Variants in MOV10L1 observed in about 807,000 individuals in gnomAD.
The protein encoded by MOV10L1 is RNA helicase Mov10l1.
MOV10L1 carries 110 observed loss-of-function variants against 143.8 expected under a neutral mutation model. That is an observed-to-expected ratio of 0.76 (90% CI 0.66 to 0.90). The LOEUF (loss-of-function observed/expected upper bound fraction) is 0.90. Among genes scored for constraint, MOV10L1 ranks in the 40% least tolerant of loss-of-function variants. The pLI is 0.00. For missense variants in MOV10L1, 1,406 were observed against 1,526.8 expected (o/e 0.92, Z 1.32); for synonymous variants, 593 against 581.1 (o/e 1.02, Z -0.29).
At chr22:50,149,500 C>T (rs1347548351) in intron 19 of MOV10L1, 115 bp from the exon 20 acceptor site, 1 of 1,004,232 alleles carries the variant, frequency 1.0e-6, no homozygotes, top group Non-Finnish European at 1.5e-6. Flanking sequence ...CTGCACACCC[C>T]TGGGCAACCC....
At chr22:50,123,239 T>C (rs899426718) in intron 10 of MOV10L1, among the ~76,000 whole-genome samples, 10 of 152,048 alleles carry the variant, frequency 6.6e-5, no homozygotes, top group Non-Finnish European at 1.3e-4. Flanking sequence ...TTTTCTGTAT[T>C]GAGATGATCA....
intron 18 of MOV10L1, 62 bp downstream of exon 18, chr22:50,144,305 C>G: frequency 6.5e-7 from 1 of 1,533,494 alleles, no homozygotes; most frequent in South Asian, 1.2e-5. Flanking sequence ...TAGGAAATGC[C>G]AAGTGGACAG....
intron 3 of MOV10L1, 52 bp from the exon 4 acceptor site, chr22:50,108,084 G>A (rs917491681): frequency 6.5e-7 from 1 of 1,535,810 alleles, no homozygotes; most frequent in African/African-American, 1.4e-5. Context: ...CATGACCTCA[G>A]AATAACTTGT....
chr22:50,134,348 G>A (rs1357616371), intron 14 of MOV10L1, among the ~76,000 whole-genome samples, 182 bp from the exon 15 acceptor site: 1 of 152,110 alleles, frequency 6.6e-6, no homozygotes, highest in Non-Finnish European at 1.5e-5. Context: ...CAAATAAAGG[G>A]CTTTGTTGTG....
intron 16 of MOV10L1, 34 bp downstream of exon 16, chr22:50,142,223 C>A: frequency 6.5e-7 from 1 of 1,546,236 alleles, no homozygotes; most frequent in East Asian, 2.3e-5. Flanking sequence ...AGAAGAGCAA[C>A]TCTGAGACTG....
In MOV10L1 at chr22:50,149,728, A is replaced by G; in HGVS notation, c.2727+14A>G. 6.2e-7 allele frequency: 1 copy of G among 1,606,994 alleles called. No homozygotes were observed. On this transcript the variant is annotated intron_variant, in intron 20 of 26. Coordinates refer to ENST00000262794, the MANE Select transcript of MOV10L1 (RefSeq NM_018995.3). ...ATCAGTGGCCAGGTAAGTCCCGACT[A>G]CTGTGTGTGCTGCTTCCTCCTCACC...
intron 5 of MOV10L1, among the ~76,000 whole-genome samples, chr22:50,112,806 G>T (rs775482017): frequency 6.6e-6 from 1 of 152,222 alleles, no homozygotes; most frequent in East Asian, 1.9e-4. Context: ...CACGCACCGG[G>T]CAGTCGCATC....
At chr22:50,160,205 T>G (rs1270448423) in intron 24 of MOV10L1, among the ~76,000 whole-genome samples, 3 of 123,560 alleles carry the variant, frequency 2.4e-5, no homozygotes, top group Non-Finnish European at 5.0e-5. Flanking sequence ...CTGCCCTTCC[T>G]CCTCCCCCTT....
intron 13 of MOV10L1, 109 bp downstream of exon 13, chr22:50,128,616 C>T: frequency 1.6e-6 from 1 of 633,166 alleles, no homozygotes; most frequent in Non-Finnish European, 2.7e-6. Flanking sequence ...GCAATCTCGG[C>T]TCACTGCAAC....
intron 10 of MOV10L1, among the ~76,000 whole-genome samples, chr22:50,124,599 G>T (rs1056104010): frequency 6.6e-6 from 1 of 152,156 alleles, no homozygotes; most frequent in Non-Finnish European, 1.5e-5. Flanking sequence ...TTCCAATTCC[G>T]GGCAGGCTGC....
intron 22 of MOV10L1, among the ~76,000 whole-genome samples, chr22:50,155,481 T>C (rs1195744308): frequency 6.6e-6 from 1 of 152,052 alleles, no homozygotes; most frequent in African/African-American, 2.4e-5. Context: ...TTTTTGTTTA[T>C]CTGTTTTGTT....
intron 26 of MOV10L1, 111 bp from the exon 27 acceptor site, chr22:50,161,257 T>G: frequency 9.5e-7 from 1 of 1,050,680 alleles, no homozygotes; most frequent in South Asian, 1.6e-5. Context: ...CCACATAGGC[T>G]AACAGGGTAA....
At chr22:50,135,715 C>A (rs184458347) in intron 15 of MOV10L1, among the ~76,000 whole-genome samples, 2,226 of 148,850 alleles carry the variant, frequency 0.015, 24 homozygotes, top group Non-Finnish European at 0.022. Context: ...CACGCCACTG[C>A]ACTCCAGCCT....
intron 9 of MOV10L1, among the ~76,000 whole-genome samples, chr22:50,119,707 G>T (rs1159964060): frequency 6.7e-6 from 1 of 150,352 alleles, no homozygotes; most frequent in African/African-American, 2.4e-5. Context: ...AAACCATGGG[G>T]AATGTCTTCA....
intron 12 of MOV10L1, among the ~76,000 whole-genome samples, chr22:50,126,885 A>G (rs6010138): frequency 0.68 from 103,913 of 152,090 alleles, 36,619 homozygotes; most frequent in South Asian, 0.8. Context: ...GAAGAGCCTG[A>G]TAAGGATCTG....
intron 15 of MOV10L1, among the ~76,000 whole-genome samples, chr22:50,135,416 T>C (rs1328805306): frequency 1.3e-5 from 2 of 152,038 alleles, no homozygotes; most frequent in Non-Finnish European, 2.9e-5. Flanking sequence ...CCCCGCAAAT[T>C]GTTAACATTT....
intron 5 of MOV10L1, among the ~76,000 whole-genome samples, chr22:50,112,926 A>C (rs2062062782): frequency 6.6e-6 from 1 of 152,170 alleles, no homozygotes; most frequent in Non-Finnish European, 1.5e-5. Context: ...GAAGAGCCAA[A>C]CAGGCACCCG....
intron 3 of MOV10L1, among the ~76,000 whole-genome samples, chr22:50,103,488 T>C (rs4838829): frequency 0.22 from 34,104 of 152,098 alleles, 4,192 homozygotes; most frequent in Admixed American, 0.35. Flanking sequence ...TCTTGGGCAC[T>C]GGAGGCTGTT....
rs566874412 is a variant in MOV10L1 at position 50,102,880 on chromosome 22, G to A, written c.442+3278G>A. Among the ~76,000 whole-genome samples the A allele has an allele frequency of 5.3e-5, 8 of 151,954 alleles. No homozygotes were observed. In the South Asian group the frequency reaches 6.2e-4, roughly 12 times the overall value. The stretch of plus-strand genomic sequence containing the variant: ...CACACCACTGCACTCCAGCCTGGGC[G>A]ACAGAGCAAAACTCCTTCTCAAAAA... On this transcript the variant is annotated intron_variant, in intron 3 of 26. Transcript: ENST00000262794.
Sources: allele counts gnomAD v4.1 joint callset (sites outside exome capture counted in the v4.1 genomes callset), GRCh38; gene constraint gnomAD v4.1.1; transcripts MANE v1.5; gene names NCBI Gene and HGNC (gene_info 2026-07-23, HGNC 2026-07-21).